Variants in FAM20C observed in about 807,000 individuals in gnomAD.
FAM20C encodes the protein FAM20C golgi associated secretory pathway kinase, also known as extracellular serine/threonine protein kinase FAM20C.
Under a neutral mutation model 51.5 loss-of-function variants are expected in FAM20C, and 40 were observed. That is an observed-to-expected ratio of 0.78 (90% CI 0.60 to 1.01). FAM20C has a LOEUF of 1.01. Among genes scored for constraint, FAM20C ranks in the 50% least tolerant of loss-of-function variants. The pLI is 0.00. For synonymous variants in FAM20C, 406 were observed against 380.6 expected, an observed-to-expected ratio of 1.07 and a Z score of -0.78; for missense variants, 861 against 844.7, an observed-to-expected ratio of 1.02 and a Z score of -0.24.
At chr7:241,778 CGA>C (rs1357497170) in intron 3 of FAM20C, among the ~76,000 whole-genome samples, 2 of 149,446 alleles carry the variant, frequency 1.3e-5, no homozygotes, top group Non-Finnish European at 3.0e-5. Context: ...TGTGCATGAG[CGA>C]GTGTGTGTGC....
At chr7:253,951 G>A (rs962646024) in intron 5 of FAM20C, among the ~76,000 whole-genome samples, 20 of 152,312 alleles carry the variant, frequency 1.3e-4, no homozygotes, top group East Asian at 5.8e-4. Context: ...GGGCTGCCTC[G>A]TCCGACTGTG....
At chr7:227,123 AT>A (rs143466747) in intron 3 of FAM20C, among the ~76,000 whole-genome samples, 14,305 of 149,416 alleles carry the variant, frequency 0.096, 824 homozygotes, top group African/African-American at 0.15. Flanking sequence ...AAGGAAAGTC[AT>A]TTTTTTTTTC....
At chr7:241,701 C>G (rs1454833466) in intron 3 of FAM20C, among the ~76,000 whole-genome samples, 1 of 152,116 alleles carries the variant, frequency 6.6e-6, no homozygotes, top group Non-Finnish European at 1.5e-5. Flanking sequence ...TATGTGTGTG[C>G]ACACGTGTTA....
chr7:242,892 A>C (rs923695577), intron 3 of FAM20C, among the ~76,000 whole-genome samples: 3 of 152,146 alleles, frequency 2.0e-5, no homozygotes, highest in African/African-American at 7.2e-5. Flanking sequence ...CTGTGTGTCC[A>C]GGGGACCTGG....
chr7:222,213 T>G (rs1787259330), intron 3 of FAM20C, among the ~76,000 whole-genome samples: 1 of 152,102 alleles, frequency 6.6e-6, no homozygotes, highest in African/African-American at 2.4e-5. Context: ...TGCTGTTGTG[T>G]TTTGTTTCTT....
chr7:196,628 G>C (rs891670372), intron 2 of FAM20C, among the ~76,000 whole-genome samples: 1 of 152,226 alleles, frequency 6.6e-6, no homozygotes, highest in Non-Finnish European at 1.5e-5. Context: ...CCAGGCATTA[G>C]CTTCATGTGT....
intron 8 of FAM20C, among the ~76,000 whole-genome samples, chr7:257,664 C>T (rs1040240116): frequency 3.9e-5 from 6 of 152,350 alleles, no homozygotes; most frequent in African/African-American, 1.2e-4. Flanking sequence ...CATCTCAACT[C>T]GGCTGCCCAG....
chr7:193,791 G>A lies in FAM20C; in HGVS notation c.592G>A (p.Glu198Lys), dbSNP rs1314194600. Residue 198 changes from glutamate (E) to lysine (K), a missense_variant, in exon 1 of 10, where the codon GAG becomes AAG. Physicochemically the swap from Glu to Lys is moderately conservative, Grantham distance 56. Coordinates refer to ENST00000313766, the MANE Select transcript of FAM20C (RefSeq NM_020223.4). ...SDTRLSPKAA[E>K]NPDWPHAGAE... is the part of the protein sequence containing the mutation. ...CACCAGGCTCAGCCCCAAAGCGGCG[G>A]AGAACCCGGACTGGTGAGTGGGGGC... 2 of 1,555,458 alleles carry A rather than the reference G, an allele frequency of 1.3e-6. No homozygotes were observed. Among genetic ancestry groups the A allele is most frequent in the Non-Finnish European group, 1.7e-6 (2 of 1,149,972 alleles).
At position 224,341 on chromosome 7, in the gene FAM20C, C is replaced by A. The variant is rs1291234306; in HGVS notation, c.863+15365C>A. ...GTCGCACGGCGGCTGTCCCCTGAGCCTTCTCTCACGGAGCAGAACGGCACT... is the reference window on the plus strand; with the variant it reads ...GTCGCACGGCGGCTGTCCCCTGAGCATTCTCTCACGGAGCAGAACGGCACT... On this transcript the variant is annotated intron_variant, in intron 3 of 9. Coordinates refer to ENST00000313766, the MANE Select transcript of FAM20C (RefSeq NM_020223.4). 1.9e-4 allele frequency among the ~76,000 whole-genome samples: 6 copies of A among 31,170 alleles called. 1 individual carries two copies. The East Asian group carries it at 4.2e-3, about 22-fold the overall frequency. 20.4% of individuals were successfully genotyped at this position (31,170 alleles called of 152,430 possible).
At chr7:215,227 C>CT (rs762939030) in intron 3 of FAM20C, among the ~76,000 whole-genome samples, 1 of 66,046 alleles carries the variant, frequency 1.5e-5, no homozygotes, top group Non-Finnish European at 4.3e-5. Flanking sequence ...GAGGCTCCAG[C>CT]TGGGGGGGGG....
chr7:244,160 C>G (rs1322183076), intron 3 of FAM20C, among the ~76,000 whole-genome samples: 2 of 151,990 alleles, frequency 1.3e-5, no homozygotes, highest in Non-Finnish European at 2.9e-5. Context: ...GTCTTGAACT[C>G]CTGGACTCAT....
At chr7:258,360 G>C in intron 8 of FAM20C, among the ~76,000 whole-genome samples, 1 of 109,852 alleles carries the variant, frequency 9.1e-6, no homozygotes, top group African/African-American at 3.3e-5. Context: ...CCCACTGCCT[G>C]AGGTGCTGGA....
intron 3 of FAM20C, among the ~76,000 whole-genome samples, chr7:223,953 G>A (rs28705913): frequency 0.8 from 121,079 of 151,468 alleles, 48,631 homozygotes; most frequent in East Asian, 0.9. Context: ...GAGCCTGCCC[G>A]GCCCTCCACC....
At position 193,162 on chromosome 7, in the gene FAM20C, G is replaced by A. The variant is rs1313251807; in HGVS notation, c.-38G>A. 2 of 1,426,380 alleles carry A rather than the reference G, an allele frequency of 1.4e-6. No homozygotes were observed. Among genetic ancestry groups the A allele is most frequent in the Admixed American group, 2.2e-5 (1 of 44,452 alleles). The allele number at this position is 1,426,380 out of a possible 1,614,324, so 88.4% of individuals were successfully genotyped here. A position where few individuals can be genotyped will look rare whatever the true frequency, so the allele number is the denominator to read the frequency against. ...CAGCTGCAGCTAGAGGGGCGCGCGG[G>A]CAGAACGCGCTCCAGGCCCGGGCCG... On this transcript the variant is annotated 5_prime_UTR_variant, in exon 1 of 10. Coordinates refer to ENST00000313766, the MANE Select transcript of FAM20C (RefSeq NM_020223.4).
rs774599687 is a variant in FAM20C at position 211,730 on chromosome 7, C to G, written c.863+2754C>G. On this transcript the variant is annotated intron_variant, in intron 3 of 9. Coordinates refer to ENST00000313766, the MANE Select transcript of FAM20C (RefSeq NM_020223.4). The stretch of plus-strand genomic sequence containing the variant: ...GCCGGGTTACAGCATAGCCAGGAAA[C>G]AGGCCTGAGAAGCCTGCTGCAGTTG... Among the ~76,000 whole-genome samples, 70 of 152,304 alleles carry G rather than the reference C, an allele frequency of 4.6e-4. 1 individual carries two copies. Among genetic ancestry groups the G allele is most frequent in the Admixed American group, 4.6e-4 (7 of 15,302 alleles).
chr7:218,835 C>T (rs189868511), intron 3 of FAM20C, among the ~76,000 whole-genome samples: 3,593 of 145,280 alleles, frequency 0.025, 201 homozygotes, highest in African/African-American at 0.089. Context: ...CCGGTCCGGC[C>T]GGGAGCTGAC....
At chr7:201,543 C>G (rs1028712256) in intron 2 of FAM20C, among the ~76,000 whole-genome samples, 1 of 152,240 alleles carries the variant, frequency 6.6e-6, no homozygotes. Context: ...CCGTCTCTCC[C>G]TGTCTCTCCA....
chr7:257,102 C>T lies in FAM20C; in HGVS notation c.1445+16C>T. 2 of 1,536,338 alleles carry T rather than the reference C, an allele frequency of 1.3e-6. No individual in the cohort carries two copies. Among genetic ancestry groups the T allele is most frequent in the Non-Finnish European group, 1.7e-6 (2 of 1,146,458 alleles). The stretch of plus-strand genomic sequence containing the variant: ...ATGGAAGAGGGTGAGCCTGTCCTCG[C>T]CCCTGCACACCCAGGGAAGGGCCGG... On this transcript the variant is annotated intron_variant, in intron 8 of 9. Transcript: ENST00000313766.
chr7:198,807 T>A (rs1327731050), intron 2 of FAM20C, among the ~76,000 whole-genome samples: 1 of 152,198 alleles, frequency 6.6e-6, no homozygotes, highest in Admixed American at 6.5e-5. Context: ...GGGGTCTTTG[T>A]ACAGCAGCAG....
Sources: allele counts gnomAD v4.1 joint callset (sites outside exome capture counted in the v4.1 genomes callset), GRCh38; gene constraint gnomAD v4.1.1; transcripts MANE v1.5; gene names NCBI Gene and HGNC (gene_info 2026-07-23, HGNC 2026-07-21).